The following RFX4 variants were observed in gnomAD, a reference collection of about 807,000 sequenced individuals.
RFX4 encodes the protein transcription factor RFX4.
In RFX4, 10 loss-of-function variants were observed where a neutral mutation model predicts 95.0. The ratio of observed to expected loss-of-function variants is 0.11; its 90% CI spans 0.06 to 0.18. RFX4 has a LOEUF of 0.18. Ranked by LOEUF, RFX4 falls within the 10% of genes least tolerant of loss-of-function variation. RFX4 has a pLI of 1.00. For synonymous variants in RFX4, 321 were observed against 340.7 expected (o/e 0.94, Z 0.64); for missense variants, 640 against 922.0 (o/e 0.69, Z 3.96).
At chr12:106,739,233 A>G (rs1593001983) in intron 15 of RFX4, among the ~76,000 whole-genome samples, 1 of 152,310 alleles carries the variant, frequency 6.6e-6, no homozygotes, top group African/African-American at 2.4e-5. Context: ...ATTTTATGTG[A>G]CCCAGTTATT....
At position 106,583,310 on chromosome 12, in the gene RFX4, A is replaced by C. The variant is rs1182024587; in HGVS notation, c.-11A>C. On this transcript the variant is annotated 5_prime_UTR_variant, in exon 1 of 18. The change abolishes an upstream ATG in the 5' untranslated region. Transcript: ENST00000392842. Reference sequence around the variant, plus strand: ...CTTTTGGGGGGCGCCTGTGCTGTCCATGGGAAGAGCATGCATTGTGGGTTA... The same window carrying C: ...CTTTTGGGGGGCGCCTGTGCTGTCCCTGGGAAGAGCATGCATTGTGGGTTA... 1.9e-6 allele frequency: 3 copies of C among 1,577,666 alleles called. No individual in the cohort carries two copies. Among genetic ancestry groups the C allele is most frequent in the Non-Finnish European group, 1.7e-6 (2 of 1,166,292 alleles).
At chr12:106,619,470 T>C (rs1313622227) in intron 2 of RFX4, among the ~76,000 whole-genome samples, 1 of 152,236 alleles carries the variant, frequency 6.6e-6, no homozygotes, top group Admixed American at 6.5e-5. Context: ...GTATTGTTAC[T>C]CCTTTGAATG....
At chr12:106,666,046 C>T (rs2041171145) in intron 4 of RFX4, among the ~76,000 whole-genome samples, 1 of 151,966 alleles carries the variant, frequency 6.6e-6, no homozygotes, top group Non-Finnish European at 1.5e-5. Context: ...TTTCTTTTAA[C>T]ATTTCTTGCA....
intron 1 of RFX4, among the ~76,000 whole-genome samples, chr12:106,596,995 T>A (rs914152147): frequency 1.3e-5 from 2 of 152,230 alleles, no homozygotes; most frequent in Non-Finnish European, 2.9e-5. Flanking sequence ...TACAAACTTG[T>A]TTGTACCTGA....
chr12:106,608,749 T>C, intron 1 of RFX4, 48 bp from the exon 2 acceptor site: 1 of 1,528,910 alleles, frequency 6.5e-7, no homozygotes, highest in South Asian at 1.2e-5. Flanking sequence ...TCTGTGATTT[T>C]CTTTTTTCTT....
chr12:106,611,481 TGTATCTG>T, intron 2 of RFX4, among the ~76,000 whole-genome samples: 1 of 152,122 alleles, frequency 6.6e-6, no homozygotes, highest in East Asian at 1.9e-4. Flanking sequence ...AGCTAACATT[TGTATCTG>T]GTATTAGGTA....
At chr12:106,760,935 A>T (rs1228127508) in intron 17 of RFX4, among the ~76,000 whole-genome samples, 1 of 152,038 alleles carries the variant, frequency 6.6e-6, no homozygotes, top group Admixed American at 6.5e-5. Context: ...ACTTCCCAAG[A>T]TATTGTAGAT....
At chr12:106,709,780 A>G (rs1440094805) in intron 9 of RFX4, among the ~76,000 whole-genome samples, 2 of 152,136 alleles carry the variant, frequency 1.3e-5, no homozygotes, top group African/African-American at 4.8e-5. Context: ...AGAAAGTAGT[A>G]TCCCTGTTCT....
intron 15 of RFX4, among the ~76,000 whole-genome samples, chr12:106,738,209 A>G (rs1200014156): frequency 6.6e-6 from 1 of 152,210 alleles, no homozygotes; most frequent in Non-Finnish European, 1.5e-5. Context: ...TCTGCTAGTG[A>G]TAATATCCTA....
At chr12:106,753,332 G>A (rs1370006318) in intron 17 of RFX4, among the ~76,000 whole-genome samples, 2 of 152,048 alleles carry the variant, frequency 1.3e-5, no homozygotes, top group Non-Finnish European at 2.9e-5. Flanking sequence ...ATTCATGATG[G>A]GCATTCATGG....
chr12:106,593,976 C>A (rs984608776), intron 1 of RFX4, among the ~76,000 whole-genome samples: 1 of 152,168 alleles, frequency 6.6e-6, no homozygotes, highest in African/African-American at 2.4e-5. Flanking sequence ...GTGTTCACTT[C>A]CACTGCTGAT....
intron 17 of RFX4, among the ~76,000 whole-genome samples, chr12:106,752,588 C>A (rs1056846834): frequency 6.6e-6 from 1 of 152,172 alleles, no homozygotes; most frequent in African/African-American, 2.4e-5. Context: ...CTGGTGCAGA[C>A]CCTCATGGAG....
chr12:106,599,312 C>T (rs966495391), intron 1 of RFX4, among the ~76,000 whole-genome samples: 3 of 151,784 alleles, frequency 2.0e-5, no homozygotes, highest in Non-Finnish European at 2.9e-5. Flanking sequence ...ACCTATTGTA[C>T]AATTGGTGTT....
At chr12:106,757,829 A>G (rs909957011) in intron 17 of RFX4, among the ~76,000 whole-genome samples, 2 of 152,174 alleles carry the variant, frequency 1.3e-5, no homozygotes, top group Non-Finnish European at 2.9e-5. Flanking sequence ...GTGGAGAGTC[A>G]TTTCTCAAAA....
chr12:106,716,428 C>G (rs1290560531), intron 11 of RFX4, among the ~76,000 whole-genome samples: 1 of 152,046 alleles, frequency 6.6e-6, no homozygotes, highest in East Asian at 1.9e-4. Flanking sequence ...CTTCAGATTT[C>G]TTAGTATATG....
intron 15 of RFX4, among the ~76,000 whole-genome samples, chr12:106,746,626 C>G (rs1022796773): frequency 5.3e-5 from 8 of 151,874 alleles, no homozygotes. Flanking sequence ...TCAAGGTATC[C>G]AATTAAATTA....
intron 3 of RFX4, among the ~76,000 whole-genome samples, chr12:106,648,604 TAA>T (rs35119944): frequency 1.5e-5 from 2 of 133,832 alleles, no homozygotes; most frequent in Non-Finnish European, 1.6e-5. Flanking sequence ...GGGCTTTCTG[TAA>T]AAAAAAAAAA....
intron 8 of RFX4, among the ~76,000 whole-genome samples, chr12:106,697,310 T>TGTATAAG (rs1384358338): frequency 6.6e-6 from 1 of 152,146 alleles, no homozygotes; most frequent in East Asian, 1.9e-4. Flanking sequence ...TGCACATCCA[T>TGTATAAG]GTATAAGGTA....
chr12:106,648,779 A>G (rs762432051), intron 3 of RFX4, among the ~76,000 whole-genome samples: 7 of 152,000 alleles, frequency 4.6e-5, no homozygotes, highest in Non-Finnish European at 1.0e-4. Context: ...AAAACATCTA[A>G]TCAGTTTAAA....
Sources: allele counts gnomAD v4.1 joint callset (sites outside exome capture counted in the v4.1 genomes callset), GRCh38; gene constraint gnomAD v4.1.1; transcripts MANE v1.5; gene names NCBI Gene and HGNC (gene_info 2026-07-23, HGNC 2026-07-21).